FLT1: variants seen among roughly 807,000 people sequenced by gnomAD.
The protein encoded by FLT1 is vascular endothelial growth factor receptor 1.
Under a neutral mutation model 156.3 loss-of-function variants are expected in FLT1, and 49 were observed. The observed-to-expected ratio is 0.31, with a 90% CI of 0.25 to 0.40. The LOEUF (loss-of-function observed/expected upper bound fraction) is 0.40, where lower values mean the gene tolerates loss of function less well. FLT1 is among the 10% of genes least tolerant of loss of function. FLT1 has a pLI of 1.00. For synonymous variants in FLT1, 594 were observed against 583.8 expected (o/e 1.02, Z -0.25); for missense variants, 1,322 against 1,637.2 (o/e 0.81, Z 3.32).
At chr13:28,386,203 C>G (rs1874350968) in intron 13 of FLT1, 1 of 1,054,214 alleles carries the variant, frequency 9.5e-7, no homozygotes, top group South Asian at 4.6e-5. Flanking sequence ...GGCCTTAATT[C>G]CATGTCCCTG....
At chr13:28,408,478 G>A (rs1401626414) in intron 10 of FLT1, among the ~76,000 whole-genome samples, 2 of 152,180 alleles carry the variant, frequency 1.3e-5, no homozygotes, top group African/African-American at 4.8e-5. Flanking sequence ...AAAATAGAAT[G>A]TCATTTAGAA....
intron 3 of FLT1, among the ~76,000 whole-genome samples, chr13:28,444,838 A>G (rs1878520210): frequency 1.7e-5 from 1 of 59,084 alleles, no homozygotes; most frequent in African/African-American, 7.4e-5. Context: ...AAGACACAGC[A>G]TACTAAAATT....
rs1272339551 is a variant in FLT1, at chr13:28,387,703, C to T, written c.1969+2093G>A. On this transcript the variant is annotated intron_variant, in intron 13 of 29. Coordinates refer to ENST00000282397, the MANE Select transcript of FLT1 (RefSeq NM_002019.4). ...CCCCATTTTAGGCTCCTTTTTTCTC[C>T]TTTTTTTTTTCTCCCCCCTCCGTTA... 2.3e-3 allele frequency: 2,030 copies of T among 883,156 alleles called. 2 individuals carry two copies. Among genetic ancestry groups the T allele is most frequent in the African/African-American group, 6.7e-3 (371 of 55,786 alleles). 54.7% of individuals were successfully genotyped at this position (883,156 alleles called of 1,614,324 possible).
In FLT1 at chr13:28,335,902, T is replaced by C. The variant is rs142234066; in HGVS notation, c.2489-1773A>G. On this transcript the variant is annotated intron_variant, in intron 17 of 29. Transcript: ENST00000282397. Reference sequence around the variant, plus strand: ...GAAAGTGCTACATCTGAAAATCCGGTGTGGGAACAGCGCTGGCAGATGCCT... The same window carrying C: ...GAAAGTGCTACATCTGAAAATCCGGCGTGGGAACAGCGCTGGCAGATGCCT... Among the ~76,000 whole-genome samples, 522 of 152,286 alleles carry C rather than the reference T, an allele frequency of 3.4e-3. 1 individual carries two copies. Among genetic ancestry groups the C allele is most frequent in the African/African-American group, 0.012 (501 of 41,562 alleles).
chr13:28,490,506 C>T (rs778189948), intron 1 of FLT1, among the ~76,000 whole-genome samples: 1 of 152,150 alleles, frequency 6.6e-6, no homozygotes, highest in South Asian at 2.1e-4. Flanking sequence ...CCTCCAATTT[C>T]CTTCCCCTCC....
At chr13:28,378,781 T>C (rs1873953643) in intron 14 of FLT1, among the ~76,000 whole-genome samples, 1 of 152,218 alleles carries the variant, frequency 6.6e-6, no homozygotes, top group South Asian at 2.1e-4. Context: ...TCTAATAATG[T>C]CCCTACCTCA....
At chr13:28,389,553 G>C (rs1874574369) in intron 13 of FLT1, 1 of 1,434,162 alleles carries the variant, frequency 7.0e-7, no homozygotes, top group Admixed American at 2.9e-5. Flanking sequence ...TGAATGGGGG[G>C]CCCAGAGCTG....
At chr13:28,449,388 T>C (rs543199774) in intron 3 of FLT1, among the ~76,000 whole-genome samples, 5 of 152,340 alleles carry the variant, frequency 3.3e-5, no homozygotes, top group African/African-American at 1.2e-4. Flanking sequence ...GTGGGTATTA[T>C]AGTCCACATG....
At chr13:28,340,967 G>A (rs1024630747) in intron 16 of FLT1, among the ~76,000 whole-genome samples, 1 of 152,186 alleles carries the variant, frequency 6.6e-6, no homozygotes, top group African/African-American at 2.4e-5. Context: ...GTGCCCATTA[G>A]AGAAACTGCT....
intron 3 of FLT1, among the ~76,000 whole-genome samples, chr13:28,448,610 G>C (rs576152594): frequency 4.9e-4 from 75 of 152,290 alleles, no homozygotes; most frequent in African/African-American, 1.6e-3. Context: ...GGGGGGATAA[G>C]GGGTGATAGC....
At chr13:28,414,666 A>G (rs1876539289) in intron 10 of FLT1, among the ~76,000 whole-genome samples, 1 of 152,192 alleles carries the variant, frequency 6.6e-6, no homozygotes, top group Non-Finnish European at 1.5e-5. Context: ...TTTGTTCATC[A>G]TTATAGCTTT....
intron 13 of FLT1, chr13:28,388,226 T>C (rs947081868): frequency 2.4e-5 from 25 of 1,057,582 alleles, no homozygotes; most frequent in Non-Finnish European, 2.9e-5. Context: ...TCAGAGCATT[T>C]GGGGCTCCAT....
intron 24 of FLT1, 42 bp from the exon 25 acceptor site, chr13:28,317,639 T>A: frequency 7.6e-7 from 1 of 1,308,282 alleles, no homozygotes; most frequent in Non-Finnish European, 1.1e-6. Flanking sequence ...TGTTATGGCT[T>A]AAGGGTACAA....
At chr13:28,427,386 A>G in intron 9 of FLT1, 68 bp from the exon 10 acceptor site, 2 of 1,393,056 alleles carry the variant, frequency 1.4e-6, no homozygotes, top group Non-Finnish European at 2.0e-6. Context: ...TGGGCCACAC[A>G]TGAAGGACCA....
chr13:28,303,134 T>TG lies in FLT1; in HGVS notation c.*32dup, dbSNP rs1566275162. ...AGTTTCCTGGGGGTATAAATACACA[T>TG]GTGCTTCTAGAAATAAGGCTTCGTG... On this transcript the variant is annotated 3_prime_UTR_variant, in exon 30 of 30. Coordinates refer to ENST00000282397, the MANE Select transcript of FLT1 (RefSeq NM_002019.4). The TG allele has an allele frequency of 6.3e-7, 1 of 1,587,750 alleles. No homozygotes were observed. Among genetic ancestry groups the TG allele is most frequent in the East Asian group, 2.2e-5 (1 of 44,806 alleles).
chr13:28,427,339 G>C, intron 9 of FLT1, 21 bp from the exon 10 acceptor site: 1 of 1,612,984 alleles, frequency 6.2e-7, no homozygotes, highest in Non-Finnish European at 8.5e-7. Flanking sequence ...GATGAAGAAC[G>C]GGACAGAAGT....
At chr13:28,340,467 T>C (rs1872292536) in intron 16 of FLT1, among the ~76,000 whole-genome samples, 1 of 152,210 alleles carries the variant, frequency 6.6e-6, no homozygotes, top group Non-Finnish European at 1.5e-5. Flanking sequence ...TTCCTGTTAA[T>C]GGGCAAATTT....
chr13:28,372,583 T>C lies in FLT1; in HGVS notation c.2116+12302A>G, dbSNP rs1200781484. Among the ~76,000 whole-genome samples the C allele has an allele frequency of 1.5e-4, 19 of 130,394 alleles. 1 individual carries two copies. The highest frequency in any genetic ancestry group is 4.0e-4 in the Admixed American group (5 of 12,346). 85.5% of individuals were successfully genotyped at this position (130,394 alleles called of 152,430 possible). The stretch of plus-strand genomic sequence containing the variant: ...AATAAAATGTATATATATATATATA[T>C]ATATATATATATATATATAGCTGGG... On this transcript the variant is annotated intron_variant, in intron 14 of 29. Transcript: ENST00000282397.
intron 14 of FLT1, among the ~76,000 whole-genome samples, chr13:28,377,240 T>C (rs1238845841): frequency 2.6e-5 from 4 of 152,224 alleles, no homozygotes; most frequent in Non-Finnish European, 5.9e-5. Context: ...AGTTGCTTCT[T>C]TACTCAGTTC....
Sources: allele counts gnomAD v4.1 joint callset (sites outside exome capture counted in the v4.1 genomes callset), GRCh38; gene constraint gnomAD v4.1.1; transcripts MANE v1.5; gene names NCBI Gene and HGNC (gene_info 2026-07-23, HGNC 2026-07-21).